Variants in HCRTR2 observed in about 807,000 individuals in gnomAD.
HCRTR2 encodes the protein hypocretin receptor 2.
HCRTR2 carries 22 observed loss-of-function variants against 49.0 expected under a neutral mutation model. The observed-to-expected ratio is 0.45, with a 90% confidence interval of 0.32 to 0.64. HCRTR2 has a LOEUF of 0.64. HCRTR2 is among the 30% of genes least tolerant of loss of function. The pLI is 0.04. For missense variants in HCRTR2, 491 were observed against 559.4 expected, an observed-to-expected ratio of 0.88 and a Z score of 1.23; for synonymous variants, 236 against 205.3, an observed-to-expected ratio of 1.15 and a Z score of -1.28.
chr6:55,182,127 C>T (rs1040652836), intron 1 of HCRTR2, among the ~76,000 whole-genome samples: 4 of 152,208 alleles, frequency 2.6e-5, no homozygotes, highest in Non-Finnish European at 5.9e-5. Flanking sequence ...GAGTCTCCTT[C>T]ATCCAATGAC....
rs185163607 is a variant in HCRTR2 at position 55,251,059 on chromosome 6, G to T, written c.402+2242G>T. Among the ~76,000 whole-genome samples, 457 of 152,162 alleles carry T rather than the reference G, an allele frequency of 3.0e-3. 3 individuals carry two copies. Among genetic ancestry groups the T allele is most frequent in the African/African-American group, 9.1e-3 (376 of 41,530 alleles). ...CCCAAATGCAATGAACAGTGCCAAT[G>T]GGCAATAAACATATAATTTAAATTT... On this transcript the variant is annotated intron_variant, in intron 2 of 6. Coordinates refer to ENST00000370862, the MANE Select transcript of HCRTR2 (RefSeq NM_001384272.1).
At chr6:55,188,758 A>G (rs1354133282) in intron 1 of HCRTR2, among the ~76,000 whole-genome samples, 1 of 152,234 alleles carries the variant, frequency 6.6e-6, no homozygotes, top group Non-Finnish European at 1.5e-5. Flanking sequence ...CATGTAAACA[A>G]TAAACTATAG....
intron 1 of HCRTR2, among the ~76,000 whole-genome samples, chr6:55,213,183 A>G (rs970612373): frequency 6.6e-6 from 1 of 152,192 alleles, no homozygotes; most frequent in Admixed American, 6.5e-5. Context: ...GTGTTGGAGA[A>G]CATAGAAAGG....
intron 1 of HCRTR2, among the ~76,000 whole-genome samples, chr6:55,208,291 C>T (rs1271299118): frequency 7.0e-6 from 1 of 143,814 alleles, no homozygotes; most frequent in Non-Finnish European, 1.5e-5. Flanking sequence ...CCTGGCCCAA[C>T]ACGGTGAAAA....
rs111780095 is a variant in HCRTR2, at chr6:55,260,722, C to T, written c.647-2985C>T. ...AACTCAACTGCATCTGAAAGACAGCCTATGGAAATAAGATTGTGGAGGATA... is the reference window on the plus strand; with the variant it reads ...AACTCAACTGCATCTGAAAGACAGCTTATGGAAATAAGATTGTGGAGGATA... On this transcript the variant is annotated intron_variant, in intron 3 of 6. Transcript: ENST00000370862. Among the ~76,000 whole-genome samples the T allele has an allele frequency of 2.5e-3, 385 of 152,186 alleles. 2 individuals are homozygous for T. Among genetic ancestry groups the T allele is most frequent in the African/African-American group, 8.7e-3 (363 of 41,518 alleles).
intron 1 of HCRTR2, among the ~76,000 whole-genome samples, chr6:55,124,195 A>G (rs1396189418): frequency 2.0e-5 from 3 of 151,638 alleles, no homozygotes; most frequent in African/African-American, 7.3e-5. Flanking sequence ...TAGTTCTTTT[A>G]ATTTTGGTGT....
chr6:55,282,296 CG>C lies in HCRTR2; in HGVS notation c.1179del (p.Leu394SerfsTer14). On this transcript the variant is annotated frameshift_variant, in exon 7 of 7. Transcript: ENST00000370862. LOFTEE classifies it high-confidence loss of function. ...TGGAGTTCACCATCGCCAGGAGGAT[CG>C]GCTCACCAGGGGACGAACTAGCACA... ...CLGVHHRQEDRLTRGRTSTES... is the reference protein window; with the variant it reads ...CLGVHHRQEDXLTRGRTSTES... 6.2e-7 allele frequency: 1 copy of C among 1,613,844 alleles called. No homozygotes were observed. Among genetic ancestry groups the C allele is most frequent in the African/African-American group, 1.3e-5 (1 of 75,014 alleles).
intron 1 of HCRTR2, among the ~76,000 whole-genome samples, chr6:55,133,655 T>TATC (rs1424420083): frequency 2.1e-5 from 3 of 140,010 alleles, no homozygotes; most frequent in South Asian, 4.7e-4. Flanking sequence ...TTTATCTATC[T>TATC]ATCTATCATC....
chr6:55,267,614 G>A (rs144674894), intron 4 of HCRTR2, among the ~76,000 whole-genome samples: 2 of 152,028 alleles, frequency 1.3e-5, no homozygotes, highest in South Asian at 2.1e-4. Context: ...TATTAAGCAC[G>A]TACTCTGTGT....
intron 1 of HCRTR2, among the ~76,000 whole-genome samples, chr6:55,244,032 G>A (rs931224892): frequency 6.6e-6 from 1 of 152,032 alleles, no homozygotes; most frequent in African/African-American, 2.4e-5. Context: ...CCAGACAGAG[G>A]AATGGCATGA....
chr6:55,255,270 C>T lies in HCRTR2; in HGVS notation c.537C>T (p.Val179=), dbSNP rs1156923610. Reference sequence around the variant, plus strand: ...ACAGCATTGTCATCATCTGGATTGTCTCCTGCATTATAATGATTCCTCAGG... The same window carrying T: ...ACAGCATTGTCATCATCTGGATTGTTTCCTGCATTATAATGATTCCTCAGG... ...ARNSIVIIWI[V]SCIIMIPQAI... is the part of the protein sequence containing the mutation. Residue 179 remains valine (V), a synonymous_variant, in exon 3 of 7, where the codon GTC becomes GTT. Transcript: ENST00000370862. 6.2e-7 allele frequency: 1 copy of T among 1,613,900 alleles called. No homozygotes were observed. Among genetic ancestry groups the T allele is most frequent in the Non-Finnish European group, 8.5e-7 (1 of 1,180,000 alleles).
At chr6:55,161,909 T>A (rs9464202) in intron 1 of HCRTR2, among the ~76,000 whole-genome samples, 26,393 of 151,894 alleles carry the variant, frequency 0.17, 2,601 homozygotes, top group Non-Finnish European at 0.23. Flanking sequence ...GAGGTACAAA[T>A]CAGAGCTGGT....
rs148444906 is a variant in HCRTR2 at position 55,258,118 on chromosome 6, T to G, written c.646+2739T>G. 6.8e-3 allele frequency among the ~76,000 whole-genome samples: 1,040 copies of G among 152,208 alleles called. 14 individuals are homozygous for G. Among genetic ancestry groups the G allele is most frequent in the African/African-American group, 0.023 (970 of 41,566 alleles). On this transcript the variant is annotated intron_variant, in intron 3 of 6. Transcript: ENST00000370862. ...ATTGTCACAACTTTTTAAAAAACCA[T>G]AGGAAAGTATATTTTACAGTGTCAT...
At chr6:55,207,846 G>A (rs1765628824) in intron 1 of HCRTR2, among the ~76,000 whole-genome samples, 1 of 152,096 alleles carries the variant, frequency 6.6e-6, no homozygotes, top group Non-Finnish European at 1.5e-5. Context: ...AAGAAGGCAA[G>A]CAACAAACTA....
Position 55,174,568 on chromosome 6 carries a change from G to A in HCRTR2, c.-20G>A, listed in dbSNP as rs1425428001. On this transcript the variant is annotated 5_prime_UTR_variant, in exon 1 of 7. Transcript: ENST00000370862. ...GGAGAGGAGCTTGCAGCATTGAGCGGAACCGGACTTGAGCCCGTGATGTCC... is the reference window on the plus strand; with the variant it reads ...GGAGAGGAGCTTGCAGCATTGAGCGAAACCGGACTTGAGCCCGTGATGTCC... The A allele has an allele frequency of 6.2e-7, 1 of 1,603,250 alleles. No homozygotes were observed. Among genetic ancestry groups the A allele is most frequent in the Non-Finnish European group, 8.5e-7 (1 of 1,170,262 alleles).
At chr6:55,152,025 C>G (rs1221757890) in intron 1 of HCRTR2, among the ~76,000 whole-genome samples, 10 of 151,852 alleles carry the variant, frequency 6.6e-5, no homozygotes, top group African/African-American at 2.2e-4. Context: ...TGTAAGCAGA[C>G]CTGCTGCCAT....
At chr6:55,204,054 G>A (rs553875043) in intron 1 of HCRTR2, among the ~76,000 whole-genome samples, 23 of 152,150 alleles carry the variant, frequency 1.5e-4, no homozygotes, top group Non-Finnish European at 2.5e-4. Flanking sequence ...TAACACACAA[G>A]CCTGTTAAAT....
chr6:55,160,947 A>T (rs1177878772), intron 1 of HCRTR2, among the ~76,000 whole-genome samples: 1 of 152,160 alleles, frequency 6.6e-6, no homozygotes, highest in Non-Finnish European at 1.5e-5. Flanking sequence ...TAACAAGTAC[A>T]TTCAGGACTT....
chr6:55,265,398 G>A (rs914425119), intron 4 of HCRTR2, among the ~76,000 whole-genome samples: 3 of 152,090 alleles, frequency 2.0e-5, no homozygotes, highest in Non-Finnish European at 4.4e-5. Flanking sequence ...ACAGGTCAGT[G>A]GGGAGGGCTG....
Sources: allele counts gnomAD v4.1 joint callset (sites outside exome capture counted in the v4.1 genomes callset), GRCh38; gene constraint gnomAD v4.1.1; transcripts MANE v1.5; gene names NCBI Gene and HGNC (gene_info 2026-07-23, HGNC 2026-07-21).